Variants in POMK observed in about 807,000 individuals in gnomAD.
POMK encodes Sugen kinase 196.
POMK carries 19 observed loss-of-function variants against 23.0 expected under a neutral mutation model. The ratio of observed to expected loss-of-function variants is 0.83; its 90% CI spans 0.58 to 1.21. POMK has a LOEUF of 1.21. Among genes scored for constraint, POMK ranks in the 50% most tolerant of loss-of-function variants. The pLI is 0.00. For missense variants in POMK, 410 were observed against 431.3 expected, an observed-to-expected ratio of 0.95 and a Z score of 0.44; for synonymous variants, 173 against 171.6, an observed-to-expected ratio of 1.01 and a Z score of -0.06.
At chr8:43,105,451 A>G (rs1811526484) in intron 4 of POMK, among the ~76,000 whole-genome samples, 1 of 152,330 alleles carries the variant, frequency 6.6e-6, no homozygotes, top group East Asian at 1.9e-4. Context: ...TTCTGTTCCT[A>G]GTTTATTTCA....
intron 4 of POMK, 142 bp downstream of exon 4, chr8:43,103,972 A>G (rs1174749677): frequency 2.3e-6 from 2 of 851,470 alleles, no homozygotes; most frequent in Admixed American, 2.3e-5. Flanking sequence ...TATGTGCACC[A>G]CATTTGCTTT....
rs550665659 is a variant in POMK at position 43,116,437 on chromosome 8, A to C, written c.283-5670A>C. ...GTGCCACCATGCCTGGCTAATTAAAACTTTTTTTTTTTAAAGAGTTGAGAT... is the reference window on the plus strand; with the variant it reads ...GTGCCACCATGCCTGGCTAATTAAACCTTTTTTTTTTTAAAGAGTTGAGAT... On this transcript the variant is annotated intron_variant, in intron 4 of 4. Coordinates refer to ENST00000331373, the MANE Select transcript of POMK (RefSeq NM_032237.5). Among the ~76,000 whole-genome samples the C allele has an allele frequency of 2.5e-3, 382 of 150,860 alleles. 2 individuals carry two copies. Among genetic ancestry groups the C allele is most frequent in the South Asian group, 0.011 (53 of 4,754 alleles).
At chr8:43,121,085 C>T (rs577927428) in intron 4 of POMK, among the ~76,000 whole-genome samples, 1 of 152,324 alleles carries the variant, frequency 6.6e-6, no homozygotes, top group East Asian at 1.9e-4. Flanking sequence ...TAAATAATGT[C>T]AGATTTTTAT....
At chr8:43,113,610 C>T (rs150808480) in intron 4 of POMK, among the ~76,000 whole-genome samples, 2,323 of 152,336 alleles carry the variant, frequency 0.015, 63 homozygotes, top group African/African-American at 0.053. Flanking sequence ...TCTCTGAACT[C>T]GTCAAAGTCA....
At chr8:43,095,429 A>G (rs1811315005) in intron 1 of POMK, among the ~76,000 whole-genome samples, 1 of 152,130 alleles carries the variant, frequency 6.6e-6, no homozygotes, top group Non-Finnish European at 1.5e-5. Flanking sequence ...GGACTTAGGG[A>G]TATATAAAAG....
At chr8:43,101,629 C>T (rs760533680) in intron 2 of POMK, among the ~76,000 whole-genome samples, 2 of 152,082 alleles carry the variant, frequency 1.3e-5, no homozygotes, top group Admixed American at 6.5e-5. Flanking sequence ...CCAGAAACTC[C>T]TTATCTGAAG....
At position 43,122,802 on chromosome 8, in the gene POMK, CG is replaced by C. The variant is rs775857497; in HGVS notation, c.979del (p.Val327PhefsTer16). 1 of 1,614,112 alleles carries C rather than the reference CG, an allele frequency of 6.2e-7. No individual in the cohort carries two copies. Among genetic ancestry groups the C allele is most frequent in the South Asian group, 1.1e-5 (1 of 91,074 alleles). On this transcript the variant is annotated frameshift_variant, in exon 5 of 5. Coordinates refer to ENST00000331373, the MANE Select transcript of POMK (RefSeq NM_032237.5). LOFTEE classifies it high-confidence loss of function. ...TPSERPTAQDVLETYQKVLDT... is the reference protein window; with the variant it reads ...TPSERPTAQDXLETYQKVLDT... ...CCTCAGAAAGACCCACTGCCCAGGACGTTCTGGAGACCTACCAGAAGGTCTT... is the reference window on the plus strand; with the variant it reads ...CCTCAGAAAGACCCACTGCCCAGGACTTCTGGAGACCTACCAGAAGGTCTT...
Position 43,121,978 on chromosome 8 carries a change from A to T in POMK, c.283-129A>T, listed in dbSNP as rs915513539. On this transcript the variant is annotated intron_variant, in intron 4 of 4. Coordinates refer to ENST00000331373, the MANE Select transcript of POMK (RefSeq NM_032237.5). ...TAACTAGACGGAGAGCAACTCTACG[A>T]TGGGGTCTGCACCTTGTTAATTTCT... 3.7e-5 allele frequency: 32 copies of T among 869,276 alleles called. No individual in the cohort carries two copies. The East Asian group carries it at 7.7e-4, about 21-fold the overall frequency. 53.8% of individuals were successfully genotyped at this position (869,276 alleles called of 1,614,324 possible). A position where few individuals can be genotyped will look rare whatever the true frequency, so the allele number is the denominator to read the frequency against.
At chr8:43,095,933 G>A (rs1417315259) in intron 1 of POMK, among the ~76,000 whole-genome samples, 2 of 152,204 alleles carry the variant, frequency 1.3e-5, no homozygotes, top group African/African-American at 2.4e-5. Flanking sequence ...GGAGAAGGAG[G>A]TGGCAGATGA....
intron 1 of POMK, 117 bp from the exon 2 acceptor site, chr8:43,097,407 C>A (rs1222628034): frequency 6.6e-6 from 1 of 151,952 alleles, no homozygotes; most frequent in East Asian, 1.9e-4. Context: ...GTCTTCAACT[C>A]TATTTGTAAT....
At position 43,114,969 on chromosome 8, in the gene POMK, T is replaced by TG. The variant is rs1218670237; in HGVS notation, c.283-7137dup. Among the ~76,000 whole-genome samples, 4 of 152,298 alleles carry TG rather than the reference T, an allele frequency of 2.6e-5. No individual in the cohort carries two copies. In the East Asian group the frequency reaches 7.7e-4, roughly 29 times the overall value. ...TCATCGTTATAATGAAATGACTTAT[T>TG]GAAGGGCCTGTTGTATAGTACATTA... On this transcript the variant is annotated intron_variant, in intron 4 of 4. Coordinates refer to ENST00000331373, the MANE Select transcript of POMK (RefSeq NM_032237.5).
At chr8:43,113,041 A>T (rs923036114) in intron 4 of POMK, among the ~76,000 whole-genome samples, 2 of 152,226 alleles carry the variant, frequency 1.3e-5, no homozygotes, top group Non-Finnish European at 2.9e-5. Flanking sequence ...TCATAATCAC[A>T]GGATCAAATA....
At chr8:43,108,183 A>G (rs947647138) in intron 4 of POMK, among the ~76,000 whole-genome samples, 2 of 152,186 alleles carry the variant, frequency 1.3e-5, no homozygotes, top group Non-Finnish European at 2.9e-5. Context: ...GTGACATTCT[A>G]TACTTACCAT....
At position 43,123,093 on chromosome 8, in the gene POMK, G is replaced by A. The variant is rs559023563; in HGVS notation, c.*216G>A. On this transcript the variant is annotated 3_prime_UTR_variant, in exon 5 of 5. Transcript: ENST00000331373. Reference sequence around the variant, plus strand: ...TTTCTTTGAGATGCGGTCTTGCTCTGTTGCTGAGGCTGGAGTGCAGTGATG... The same window carrying A: ...TTTCTTTGAGATGCGGTCTTGCTCTATTGCTGAGGCTGGAGTGCAGTGATG... 4 of 507,264 alleles carry A rather than the reference G, an allele frequency of 7.9e-6. No individual in the cohort carries two copies. The South Asian group carries it at 9.8e-5, about 12-fold the overall frequency. The allele number at this position is 507,264 out of a possible 1,614,324, so 31.4% of individuals were successfully genotyped here. A position where few individuals can be genotyped will look rare whatever the true frequency, so the allele number is the denominator to read the frequency against.
chr8:43,112,533 G>T (rs1811696748), intron 4 of POMK, among the ~76,000 whole-genome samples: 1 of 152,104 alleles, frequency 6.6e-6, no homozygotes, highest in African/African-American at 2.4e-5. Context: ...AGCAAGGCAG[G>T]CCAACATTCA....
Position 43,118,013 on chromosome 8 carries a change from A to T in POMK, c.283-4094A>T, listed in dbSNP as rs149867198. Among the ~76,000 whole-genome samples, 382 of 152,374 alleles carry T rather than the reference A, an allele frequency of 2.5e-3. 2 individuals are homozygous for T. The highest frequency in any genetic ancestry group is 0.011 in the South Asian group (53 of 4,834). On this transcript the variant is annotated intron_variant, in intron 4 of 4. Transcript: ENST00000331373. ...ATGTCCAGGTCTTTAGAAATAGATC[A>T]TATAAGATCTTATTAAAGGTCTTTA...
chr8:43,118,349 T>A (rs1289175017), intron 4 of POMK, among the ~76,000 whole-genome samples: 5 of 152,128 alleles, frequency 3.3e-5, no homozygotes, highest in African/African-American at 1.2e-4. Context: ...CAAACCCAAA[T>A]GCTGTTTTAC....
In POMK at chr8:43,122,400, G is replaced by T; in HGVS notation, c.576G>T (p.Leu192=). The T allele has an allele frequency of 6.2e-7, 1 of 1,614,174 alleles. No homozygotes were observed. The highest frequency in any genetic ancestry group is 8.5e-7 in the Non-Finnish European group (1 of 1,180,042). The part of the protein sequence containing the change: ...AMDYVSIINY[L]HHSPVGTRVM... ...ACTATGTCAGCATCATTAATTACCT[G>T]CACCACAGCCCTGTGGGCACACGGG... Residue 192 remains leucine, a synonymous_variant, in exon 5 of 5, where the codon CTG becomes CTT. Transcript: ENST00000331373.
At chr8:43,095,859 G>A (rs539955788) in intron 1 of POMK, among the ~76,000 whole-genome samples, 2 of 152,324 alleles carry the variant, frequency 1.3e-5, no homozygotes, top group Admixed American at 6.5e-5. Context: ...TGGGAGGTTA[G>A]GGGTAAGGAG....
Sources: gnomAD v4.1 joint callset for allele counts (sites outside exome capture counted in the v4.1 genomes callset) on GRCh38, gnomAD v4.1.1 for gene constraint, MANE v1.5 for transcripts, NCBI Gene and HGNC (gene_info 2026-07-23, HGNC 2026-07-21) for gene names.